Variants in PTPRD observed in about 807,000 individuals in gnomAD.
PTPRD encodes the protein receptor-type tyrosine-protein phosphatase delta.
Under a neutral mutation model 214.5 loss-of-function variants are expected in PTPRD, and 34 were observed. The ratio of observed to expected loss-of-function variants is 0.16; its 90% CI spans 0.12 to 0.21. The LOEUF (loss-of-function observed/expected upper bound fraction) is 0.21, where lower values mean the gene tolerates loss of function less well. Among genes scored for constraint, PTPRD ranks in the 10% least tolerant of loss-of-function variants. PTPRD has a pLI of 1.00. For synonymous variants in PTPRD, 1,128 were observed against 845.7 expected (o/e 1.33, Z -5.79); for missense variants, 2,545 against 2,398.7 (o/e 1.06, Z -1.27).
intron 10 of PTPRD, among the ~76,000 whole-genome samples, chr9:9,054,049 T>A (rs1299380691): frequency 6.6e-6 from 1 of 152,190 alleles, no homozygotes; most frequent in Non-Finnish European, 1.5e-5. Flanking sequence ...ATAACAATGA[T>A]AACAATTAAA....
chr9:9,298,260 T>C (rs1953886242), intron 9 of PTPRD, among the ~76,000 whole-genome samples: 1 of 151,378 alleles, frequency 6.6e-6, no homozygotes, highest in Admixed American at 6.6e-5. Context: ...TTATCTTTTA[T>C]TTTTTTTGGT....
intron 12 of PTPRD, among the ~76,000 whole-genome samples, chr9:8,714,480 G>A (rs1398061454): frequency 1.3e-5 from 2 of 152,076 alleles, no homozygotes; most frequent in African/African-American, 4.8e-5. Context: ...CTTCCAGGAA[G>A]CCTGACCTCC....
At chr9:8,464,093 T>C (rs2096489658) in intron 32 of PTPRD, among the ~76,000 whole-genome samples, 1 of 151,934 alleles carries the variant, frequency 6.6e-6, no homozygotes, top group African/African-American at 2.4e-5. Context: ...TTATCAGTTG[T>C]GACACATTTA....
intron 7 of PTPRD, among the ~76,000 whole-genome samples, chr9:9,688,837 TA>T (rs200992825): frequency 6.6e-6 from 1 of 151,436 alleles, no homozygotes; most frequent in Non-Finnish European, 1.5e-5. Flanking sequence ...CCCAGGCATT[TA>T]AAAAAAACAA....
intron 12 of PTPRD, among the ~76,000 whole-genome samples, chr9:8,709,299 G>C (rs937529864): frequency 1.2e-4 from 18 of 151,970 alleles, no homozygotes; most frequent in Non-Finnish European, 2.2e-4. Context: ...CGGATCACGA[G>C]GTCAGGAGAT....
rs548161214 is a variant in PTPRD, at chr9:10,467,148, A to G, written c.-599-126131T>C. 1.1e-4 allele frequency among the ~76,000 whole-genome samples: 16 copies of G among 152,322 alleles called. 1 individual carries two copies. The South Asian group carries it at 3.1e-3, about 30-fold the overall frequency. ...GCACCAAGAAGTTTCTAGTCTATCA[A>G]TGTTAACAGAGTACAGTGAGAAGAG... On this transcript the variant is annotated intron_variant, in intron 2 of 45. Transcript: ENST00000381196.
intron 2 of PTPRD, among the ~76,000 whole-genome samples, chr9:10,463,537 A>C (rs6474553): frequency 0.87 from 131,636 of 152,068 alleles, 57,361 homozygotes; most frequent in East Asian, 1. Context: ...TTTCAAAACT[A>C]CAAAAAAAGT....
intron 11 of PTPRD, among the ~76,000 whole-genome samples, chr9:8,973,552 A>C (rs1194713576): frequency 6.6e-6 from 1 of 152,040 alleles, no homozygotes; most frequent in African/African-American, 2.4e-5. Flanking sequence ...TTTTAGTATA[A>C]TGATCTATAT....
At chr9:8,473,178 A>C (rs1166341266) in intron 30 of PTPRD, among the ~76,000 whole-genome samples, 1 of 152,166 alleles carries the variant, frequency 6.6e-6, no homozygotes, top group Admixed American at 6.5e-5. Context: ...ACTATACCAC[A>C]ATGCTTTCTC....
intron 26 of PTPRD, among the ~76,000 whole-genome samples, chr9:8,496,082 C>T (rs575724047): frequency 5.3e-5 from 8 of 152,072 alleles, no homozygotes; most frequent in African/African-American, 1.2e-4. Flanking sequence ...CTCACTGTCA[C>T]GTGACTATAC....
At chr9:8,957,526 AC>A (rs1221849078) in intron 11 of PTPRD, among the ~76,000 whole-genome samples, 7 of 151,698 alleles carry the variant, frequency 4.6e-5, no homozygotes, top group African/African-American at 1.7e-4. Context: ...CCATGCAAGC[AC>A]CCTCTCATCA....
rs372379410 is a variant in PTPRD at position 10,543,047 on chromosome 9, G to A, written c.-600+69351C>T. On this transcript the variant is annotated intron_variant, in intron 2 of 45. Transcript: ENST00000381196. ...ATTACAGGCGTAATCTACCTCAACA[G>A]GACAATTTTGTATTTTTAGTAGAGA... Among the ~76,000 whole-genome samples, 15 of 151,542 alleles carry A rather than the reference G, an allele frequency of 9.9e-5. No individual in the cohort carries two copies. The East Asian group carries it at 2.0e-3, about 20-fold the overall frequency.
intron 2 of PTPRD, among the ~76,000 whole-genome samples, 165 bp downstream of exon 2, chr9:10,612,233 T>C (rs959443435): frequency 4.1e-5 from 5 of 120,688 alleles, no homozygotes; most frequent in African/African-American, 1.5e-4. Flanking sequence ...AAGAAAAAAA[T>C]GCTTAGCGAA....
At chr9:8,929,921 A>G (rs1218597497) in intron 11 of PTPRD, among the ~76,000 whole-genome samples, 2 of 118,096 alleles carry the variant, frequency 1.7e-5, no homozygotes, top group Non-Finnish European at 3.4e-5. Context: ...GTGTGTGTAT[A>G]TATATATGTG....
At chr9:8,511,297 C>T (rs2097676436) in intron 21 of PTPRD, among the ~76,000 whole-genome samples, 1 of 152,038 alleles carries the variant, frequency 6.6e-6, no homozygotes, top group Non-Finnish European at 1.5e-5. Flanking sequence ...TCTGAACTTC[C>T]TGGGCTCAAG....
At chr9:8,988,175 T>G (rs1311591625) in intron 11 of PTPRD, among the ~76,000 whole-genome samples, 1 of 152,000 alleles carries the variant, frequency 6.6e-6, no homozygotes, top group Admixed American at 6.6e-5. Flanking sequence ...AAATCAAAGA[T>G]AGTACCCACA....
chr9:8,636,964 A>G (rs1564883005), intron 12 of PTPRD, 120 bp from the exon 13 acceptor site: 3 of 969,270 alleles, frequency 3.1e-6, no homozygotes, highest in South Asian at 1.8e-5. Context: ...CATTTTTACA[A>G]TGCACTATGG....
intron 35 of PTPRD, among the ~76,000 whole-genome samples, chr9:8,424,449 G>A (rs1020066522): frequency 1.3e-5 from 2 of 151,674 alleles, no homozygotes; most frequent in Admixed American, 1.3e-4. Flanking sequence ...GAGACTAACA[G>A]TACCTACCTG....
chr9:9,208,433 T>C (rs1407919923), intron 9 of PTPRD, among the ~76,000 whole-genome samples: 1 of 152,056 alleles, frequency 6.6e-6, no homozygotes, highest in Non-Finnish European at 1.5e-5. Context: ...AAAGTTAAGA[T>C]CTATCTTCAC....
Sources: gnomAD v4.1 joint callset for allele counts (sites outside exome capture counted in the v4.1 genomes callset) on GRCh38, gnomAD v4.1.1 for gene constraint, MANE v1.5 for transcripts, NCBI Gene and HGNC (gene_info 2026-07-23, HGNC 2026-07-21) for gene names.